Variants in PRRX2 observed in about 807,000 individuals in gnomAD.
PRRX2 encodes paired related homeobox 2, also known as paired mesoderm homeobox protein 2.
Under a neutral mutation model 18.0 loss-of-function variants are expected in PRRX2, and 11 were observed. The ratio of observed to expected loss-of-function variants is 0.61; its 90% CI spans 0.39 to 1.01. The LOEUF is 1.01. PRRX2 is among the 50% of genes least tolerant of loss of function. PRRX2 has a pLI of 0.01. For missense variants in PRRX2, 387 were observed against 351.0 expected (o/e 1.10, Z -0.82); for synonymous variants, 177 against 154.8 (o/e 1.14, Z -1.06).
intron 1 of PRRX2, among the ~76,000 whole-genome samples, chr9:129,677,742 C>T (rs1030369331): frequency 4.6e-5 from 7 of 152,224 alleles, no homozygotes; most frequent in African/African-American, 1.4e-4. Flanking sequence ...CAGAGCGGGC[C>T]GCCCCACCAC....
chr9:129,696,097 G>T (rs1021045149), intron 1 of PRRX2, among the ~76,000 whole-genome samples: 2 of 151,466 alleles, frequency 1.3e-5, no homozygotes, highest in Non-Finnish European at 2.9e-5. Context: ...AAAAAAGAAA[G>T]GTGGGGTAGG....
intron 1 of PRRX2, among the ~76,000 whole-genome samples, chr9:129,672,879 C>G (rs1832116730): frequency 7.8e-6 from 1 of 127,980 alleles, no homozygotes; most frequent in African/African-American, 3.0e-5. Context: ...AGCTCCCGCA[C>G]TTGTTCATTC....
intron 1 of PRRX2, among the ~76,000 whole-genome samples, chr9:129,703,447 T>C (rs895817406): frequency 6.6e-6 from 1 of 152,094 alleles, no homozygotes; most frequent in Non-Finnish European, 1.5e-5. Context: ...GGTTAACTTT[T>C]CCAAGGGCAG....
rs560612341 is a variant in PRRX2, at chr9:129,705,601, C to T, written c.260-13630C>T. Among the ~76,000 whole-genome samples the T allele has an allele frequency of 1.5e-3, 228 of 151,898 alleles. 2 individuals carry two copies. The highest frequency in any genetic ancestry group is 5.1e-3 in the African/African-American group (211 of 41,506). On this transcript the variant is annotated intron_variant, in intron 1 of 3. Coordinates refer to ENST00000372469, the MANE Select transcript of PRRX2 (RefSeq NM_016307.4). ...AACTCCTGACCTCTGGTGATCTGCC[C>T]GCCTCGGCCTCCCAAAGTGCTGGGA... is the stretch of plus-strand genomic sequence containing the variant.
At chr9:129,666,156 G>GCGGGGC (rs551101163) in intron 1 of PRRX2, 30 bp downstream of exon 1, 92,917 of 923,470 alleles carry the variant, frequency 0.1, 10,018 homozygotes, top group African/African-American at 0.26. Flanking sequence ...GACGGGGGTG[G>GCGGGGC]CGGGGCCGGG....
chr9:129,696,419 AC>A (rs1832422801), intron 1 of PRRX2, among the ~76,000 whole-genome samples: 1 of 152,086 alleles, frequency 6.6e-6, no homozygotes, highest in Non-Finnish European at 1.5e-5. Context: ...TACAAAAAAT[AC>A]AAAAATTGGC....
chr9:129,706,361 A>G (rs1252253444), intron 1 of PRRX2, among the ~76,000 whole-genome samples: 2 of 152,014 alleles, frequency 1.3e-5, no homozygotes, highest in African/African-American at 4.8e-5. Context: ...GGGGCAGATC[A>G]TTTGAGGTCA....
At chr9:129,708,759 C>G (rs887188485) in intron 1 of PRRX2, among the ~76,000 whole-genome samples, 1 of 152,220 alleles carries the variant, frequency 6.6e-6, no homozygotes, top group African/African-American at 2.4e-5. Flanking sequence ...ATAAAGGGAC[C>G]TGGCTTTGGA....
rs554353686 is a variant in PRRX2, at chr9:129,671,370, C to T, written c.259+5244C>T. On this transcript the variant is annotated intron_variant, in intron 1 of 3. Transcript: ENST00000372469. This position sits in a 1 kb window ranked among gnomAD's most constrained non-coding sequence, Gnocchi z 4.0. ...TGGTTCATTATTTGTGGTTCCAGGA[C>T]CTCTTGCTCCTCTGTCCAGTAGATC... Among the ~76,000 whole-genome samples, 16 of 152,312 alleles carry T rather than the reference C, an allele frequency of 1.1e-4. No homozygotes were observed. The highest frequency in any genetic ancestry group is 3.3e-4 in the Admixed American group (5 of 15,306).
chr9:129,719,409 G>A lies in PRRX2; in HGVS notation c.438G>A (p.Ala146=), dbSNP rs1158353478. 9.1e-6 allele frequency: 14 copies of A among 1,534,408 alleles called. No homozygotes were observed. In the African/African-American group the frequency reaches 1.4e-4, roughly 15 times the overall value. Residue 146 remains alanine (A), a synonymous_variant, in exon 2 of 4, where the codon GCG becomes GCA. Transcript: ENST00000372469. ...ELARRVNLSE[A]RVQVWFQNRR... ...CCCGGCGCGTCAACCTCAGCGAGGC[G>A]CGCGTTCAGGTGAGCGCTCAGTCCC...
chr9:129,686,463 C>T (rs1386091355), intron 1 of PRRX2, among the ~76,000 whole-genome samples: 1 of 152,208 alleles, frequency 6.6e-6, no homozygotes, highest in Admixed American at 6.5e-5. Flanking sequence ...CCTTCCGCCT[C>T]AGCCTCCCAA....
chr9:129,710,238 C>G (rs1016063937), intron 1 of PRRX2, among the ~76,000 whole-genome samples: 43 of 152,274 alleles, frequency 2.8e-4, no homozygotes, highest in African/African-American at 1.0e-3. Flanking sequence ...AGGCAGGGAC[C>G]TGGAACAGCG....
chr9:129,685,033 G>A (rs535978829), intron 1 of PRRX2, among the ~76,000 whole-genome samples: 20 of 152,298 alleles, frequency 1.3e-4, no homozygotes, highest in African/African-American at 3.4e-4. Context: ...CTCTACCAGG[G>A]CAGGCAGTGT....
rs77180646 is a variant in PRRX2, at chr9:129,693,242, G to C, written c.260-25989G>C. The stretch of plus-strand genomic sequence containing the variant: ...CTTCCGTCCATTTTAAAATCAGGTT[G>C]TTTATAATTTAATCTGCTAAAGAAG... On this transcript the variant is annotated intron_variant, in intron 1 of 3. Transcript: ENST00000372469. Among the ~76,000 whole-genome samples, 169 of 152,254 alleles carry C rather than the reference G, an allele frequency of 1.1e-3. 9 individuals are homozygous for C. The East Asian group carries it at 0.029, about 26-fold the overall frequency.
At chr9:129,682,216 A>T (rs948080112) in intron 1 of PRRX2, among the ~76,000 whole-genome samples, 2 of 152,148 alleles carry the variant, frequency 1.3e-5, no homozygotes, top group Non-Finnish European at 2.9e-5. Context: ...TTGGTCTGTG[A>T]GGTGGGGACG....
At chr9:129,711,899 G>A (rs938610306) in intron 1 of PRRX2, among the ~76,000 whole-genome samples, 1 of 152,174 alleles carries the variant, frequency 6.6e-6, no homozygotes, top group Admixed American at 6.5e-5. Flanking sequence ...TTGTGTCCTT[G>A]CTGATGATGC....
In PRRX2 at chr9:129,672,299, G is replaced by C. The variant is rs187713885; in HGVS notation, c.259+6173G>C. Among the ~76,000 whole-genome samples, 59 of 152,320 alleles carry C rather than the reference G, an allele frequency of 3.9e-4. No homozygotes were observed. The South Asian group carries it at 3.9e-3, about 10-fold the overall frequency. ...GTGGTGAGAGTGACCGGGAAGCCTC[G>C]TGGGCACAGCAGCTGTGTGCTCTGC... On this transcript the variant is annotated intron_variant, in intron 1 of 3. Transcript: ENST00000372469.
In PRRX2 at chr9:129,719,285, G is replaced by T; in HGVS notation, c.314G>T (p.Arg105Leu). Reference protein sequence around the residue: ...GSAAKRKKKQRRNRTTFNSSQ... With the variant: ...GSAAKRKKKQLRNRTTFNSSQ... ...GCCGCCAAGCGGAAGAAGAAGCAGC[G>T]GCGGAACCGCACCACGTTCAACAGC... The change falls in exon 2 of 4, where the codon CGG becomes CTG. Residue 105 changes from arginine (R) to leucine (L), a missense_variant. Transcript: ENST00000372469. 4 of 1,610,236 alleles carry T rather than the reference G, an allele frequency of 2.5e-6. No homozygotes were observed. Among genetic ancestry groups the T allele is most frequent in the Non-Finnish European group, 3.4e-6 (4 of 1,178,672 alleles).
At chr9:129,684,506 A>AGAAAAGATACCAGAAAT (rs1832277098) in intron 1 of PRRX2, among the ~76,000 whole-genome samples, 1 of 55,028 alleles carries the variant, frequency 1.8e-5, no homozygotes, top group Non-Finnish European at 5.1e-5. Flanking sequence ...ACACACACAC[A>AGAAAAGATACCAGAAAT]CACACACACA....
Sources: gnomAD v4.1 joint callset for allele counts (sites outside exome capture counted in the v4.1 genomes callset) on GRCh38, gnomAD v4.1.1 for gene constraint, Gnocchi (gnomAD v3.1) non-coding constraint, MANE v1.5 for transcripts, NCBI Gene and HGNC (gene_info 2026-07-23, HGNC 2026-07-21) for gene names.